Variants in GALNT13 observed in about 807,000 individuals in gnomAD.
GALNT13 encodes polypeptide N-acetylgalactosaminyltransferase 13, also known as UDP-GalNAc:polypeptide N-acetylgalactosaminyltransferase 13.
In GALNT13, 28 loss-of-function variants were observed where a neutral mutation model predicts 64.2. The observed-to-expected ratio is 0.44, with a 90% CI of 0.32 to 0.60. GALNT13 has a LOEUF of 0.60. Among genes scored for constraint, GALNT13 ranks in the 20% least tolerant of loss-of-function variants. GALNT13 has a pLI of 0.05. For missense variants in GALNT13, 577 were observed against 669.8 expected (o/e 0.86, Z 1.53); for synonymous variants, 214 against 224.6 (o/e 0.95, Z 0.42).
At chr2:153,989,446 C>T (rs568991945) in intron 3 of GALNT13, among the ~76,000 whole-genome samples, 30 of 151,992 alleles carry the variant, frequency 2.0e-4, no homozygotes, top group African/African-American at 2.7e-4. Flanking sequence ...GGTCTAAATA[C>T]GTTGATAAAA....
intron 10 of GALNT13, among the ~76,000 whole-genome samples, chr2:154,397,398 C>A (rs573019244): frequency 1.6e-4 from 24 of 152,280 alleles, no homozygotes; most frequent in African/African-American, 5.8e-4. Context: ...GAGATCGCGC[C>A]ATTGCACTCC....
At chr2:153,429,366 A>G in the GALNT13 span, among the ~76,000 whole-genome samples, 1 of 152,172 alleles carries the variant, frequency 6.6e-6, no homozygotes. Context: ...AACTTAGTGA[A>G]TTGAATACCT....
the GALNT13 span, among the ~76,000 whole-genome samples, chr2:153,741,952 T>C: frequency 1.3e-5 from 2 of 152,204 alleles, no homozygotes; most frequent in Non-Finnish European, 2.9e-5. Flanking sequence ...AATATAGCCA[T>C]CATTTCAAAT....
At chr2:154,332,529 T>A (rs1053022833) in intron 9 of GALNT13, among the ~76,000 whole-genome samples, 1 of 151,932 alleles carries the variant, frequency 6.6e-6, no homozygotes, top group African/African-American at 2.4e-5. Flanking sequence ...AAAATAATAT[T>A]CTTTATGGGA....
At chr2:154,127,785 C>A (rs1682380315) in intron 3 of GALNT13, among the ~76,000 whole-genome samples, 1 of 150,228 alleles carries the variant, frequency 6.7e-6, no homozygotes. Flanking sequence ...TATACACACA[C>A]AGAAACTTTT....
the GALNT13 span, among the ~76,000 whole-genome samples, chr2:153,481,411 G>A: frequency 6.6e-6 from 1 of 151,950 alleles, no homozygotes; most frequent in Non-Finnish European, 1.5e-5. Flanking sequence ...TGTTTCTTAG[G>A]AGAATCTCAC....
chr2:153,183,024 C>T, the GALNT13 span, among the ~76,000 whole-genome samples: 1 of 152,166 alleles, frequency 6.6e-6, no homozygotes, highest in Non-Finnish European at 1.5e-5. Context: ...AATGGTATAT[C>T]TGCCTCTGGG....
At chr2:153,886,979 A>G (rs1687224858) in intron 1 of GALNT13, among the ~76,000 whole-genome samples, 1 of 151,976 alleles carries the variant, frequency 6.6e-6, no homozygotes. Context: ...AAATTCTTAT[A>G]TCTAATTACT....
the GALNT13 span, among the ~76,000 whole-genome samples, chr2:153,534,576 G>C: frequency 6.8e-6 from 1 of 147,418 alleles, no homozygotes; most frequent in South Asian, 2.1e-4. Flanking sequence ...CCTGGGTGCA[G>C]GCGGGCCAAG....
At chr2:154,056,788 A>T (rs1360424516) in intron 3 of GALNT13, among the ~76,000 whole-genome samples, 1 of 152,096 alleles carries the variant, frequency 6.6e-6, no homozygotes, top group African/African-American at 2.4e-5. Context: ...AAACAATACA[A>T]ACATTTACAT....
At chr2:154,450,126 G>C (rs933658714) in intron 12 of GALNT13, among the ~76,000 whole-genome samples, 1 of 151,966 alleles carries the variant, frequency 6.6e-6, no homozygotes, top group African/African-American at 2.4e-5. Flanking sequence ...TCACAAATGG[G>C]CTTTTTGCAA....
intron 8 of GALNT13, among the ~76,000 whole-genome samples, chr2:154,278,370 AT>A (rs1231448508): frequency 6.6e-6 from 1 of 152,156 alleles, no homozygotes. Context: ...TTCTTTTCAT[AT>A]TTGGGGAACA....
At chr2:153,566,096 A>G in the GALNT13 span, among the ~76,000 whole-genome samples, 1 of 152,160 alleles carries the variant, frequency 6.6e-6, no homozygotes, top group Non-Finnish European at 1.5e-5. Flanking sequence ...AAGCATTGAA[A>G]CAACTTAGAA....
chr2:153,406,509 G>A, the GALNT13 span, among the ~76,000 whole-genome samples: 69 of 152,206 alleles, frequency 4.5e-4, no homozygotes, highest in African/African-American at 1.5e-3. Flanking sequence ...CTGGGTTCAA[G>A]CGATTCTCGT....
At chr2:153,502,303 T>C in the GALNT13 span, among the ~76,000 whole-genome samples, 1 of 152,324 alleles carries the variant, frequency 6.6e-6, no homozygotes, top group South Asian at 2.1e-4. Flanking sequence ...GCATCCTCAT[T>C]ACTTAGCTCC....
chr2:154,373,951 G>A lies in GALNT13; in HGVS notation c.1157-22040G>A, dbSNP rs1391342648. Among the ~76,000 whole-genome samples, 5 of 152,148 alleles carry A rather than the reference G, an allele frequency of 3.3e-5. No homozygotes were observed. The East Asian group carries it at 7.7e-4, about 23-fold the overall frequency. ...GCCATTTTTTGGTCTCAAGAAGTGA[G>A]GCTAAAGTTGTGTTCAAAATTTGCT... On this transcript the variant is annotated intron_variant, in intron 9 of 12. Coordinates refer to ENST00000392825, the MANE Select transcript of GALNT13 (RefSeq NM_052917.4).
chr2:154,308,606 G>T (rs2105120135), intron 9 of GALNT13, among the ~76,000 whole-genome samples: 1 of 152,106 alleles, frequency 6.6e-6, no homozygotes, highest in Non-Finnish European at 1.5e-5. Context: ...GGATTAACAG[G>T]AATTCATCTG....
rs541457049 is a variant in GALNT13, at chr2:154,243,668, T to A, written c.686+763T>A. On this transcript the variant is annotated intron_variant, in intron 6 of 12. Transcript: ENST00000392825. ...ACAAGCATTTTTTAGCAAATATTTA[T>A]AAACACTGGTGATAAGAGAGTATAA... Among the ~76,000 whole-genome samples the A allele has an allele frequency of 3.3e-5, 5 of 152,332 alleles. No homozygotes were observed. The East Asian group carries it at 7.7e-4, about 23-fold the overall frequency.
chr2:154,181,904 CTCTT>C (rs1431985066), intron 4 of GALNT13, among the ~76,000 whole-genome samples: 2 of 151,852 alleles, frequency 1.3e-5, no homozygotes, highest in Non-Finnish European at 1.5e-5. Context: ...GATTTTCTCT[CTCTT>C]TTTTTTTATG....
Sources: allele counts gnomAD v4.1 joint callset (sites outside exome capture counted in the v4.1 genomes callset), GRCh38; gene constraint gnomAD v4.1.1; transcripts MANE v1.5; gene names NCBI Gene and HGNC (gene_info 2026-07-23, HGNC 2026-07-21).